The following FBXO45 variants were observed in gnomAD, a reference collection of about 807,000 sequenced individuals.
The protein encoded by FBXO45 is F-box/SPRY domain-containing protein 1.
FBXO45 carries 3 observed loss-of-function variants against 25.5 expected under a neutral mutation model. The ratio of observed to expected loss-of-function variants is 0.12; its 90% CI spans 0.05 to 0.30. FBXO45 has a LOEUF of 0.30. Among genes scored for constraint, FBXO45 ranks in the 10% least tolerant of loss-of-function variants. The pLI, the probability that FBXO45 is intolerant of heterozygous loss-of-function variation, is 1.00. For missense variants in FBXO45, 219 were observed against 365.0 expected, an observed-to-expected ratio of 0.60 and a Z score of 3.26; for synonymous variants, 155 against 149.8, an observed-to-expected ratio of 1.03 and a Z score of -0.25.
chr3:196,572,255 A>C (rs1455265787), intron 1 of FBXO45, among the ~76,000 whole-genome samples: 1 of 152,254 alleles, frequency 6.6e-6, no homozygotes, highest in Non-Finnish European at 1.5e-5. Context: ...CAAATAAAAC[A>C]AACACAGTCT....
chr3:196,583,963 T>C (rs1007285697), intron 2 of FBXO45, among the ~76,000 whole-genome samples, 170 bp from the exon 3 acceptor site: 1 of 152,176 alleles, frequency 6.6e-6, no homozygotes, highest in African/African-American at 2.4e-5. Flanking sequence ...GCCAGATGTA[T>C]GTCCTTTTTT....
intron 2 of FBXO45, among the ~76,000 whole-genome samples, chr3:196,583,215 T>C (rs979391504): frequency 2.0e-5 from 3 of 152,134 alleles, no homozygotes; most frequent in Admixed American, 2.0e-4. Flanking sequence ...CTGAATAATA[T>C]TCCATTGTAC....
intron 1 of FBXO45, among the ~76,000 whole-genome samples, chr3:196,576,726 A>T (rs548978803): frequency 6.6e-6 from 1 of 152,348 alleles, no homozygotes; most frequent in South Asian, 2.1e-4. Context: ...CTAGTAGTTG[A>T]ACCTAGATGC....
intron 1 of FBXO45, among the ~76,000 whole-genome samples, chr3:196,572,578 G>A (rs1735846867): frequency 6.6e-6 from 1 of 152,214 alleles, no homozygotes; most frequent in African/African-American, 2.4e-5. Flanking sequence ...CAAAGGTGAT[G>A]CTGGTTTGAG....
At chr3:196,574,637 A>G (rs1286886324) in intron 1 of FBXO45, among the ~76,000 whole-genome samples, 1 of 152,136 alleles carries the variant, frequency 6.6e-6, no homozygotes, top group Non-Finnish European at 1.5e-5. Flanking sequence ...TGATCAATTT[A>G]GATTAGATTA....
chr3:196,581,162 G>A (rs74917083), intron 2 of FBXO45, among the ~76,000 whole-genome samples: 1 of 149,728 alleles, frequency 6.7e-6, no homozygotes, highest in East Asian at 1.9e-4. Flanking sequence ...CTATTGAACT[G>A]GGCTAGTAAA....
intron 1 of FBXO45, among the ~76,000 whole-genome samples, chr3:196,570,262 C>G (rs1218389757): frequency 1.0e-5 from 1 of 100,004 alleles, no homozygotes; most frequent in Non-Finnish European, 1.9e-5. Context: ...ATAACATCCC[C>G]CCCTTTTTTT....
intron 1 of FBXO45, among the ~76,000 whole-genome samples, chr3:196,576,869 T>A (rs368545198): frequency 6.6e-6 from 1 of 152,242 alleles, no homozygotes. Context: ...TTAGAGCTGC[T>A]AGGATTAAAG....
intron 1 of FBXO45, among the ~76,000 whole-genome samples, chr3:196,570,587 A>T (rs1444891220): frequency 6.6e-6 from 1 of 152,028 alleles, no homozygotes; most frequent in African/African-American, 2.4e-5. Flanking sequence ...AAGAAGTAAA[A>T]ATTTTTTTTT....
Position 196,588,120 on chromosome 3 carries a change from CG to C in FBXO45, c.*3806del, listed in dbSNP as rs1190730300. 2 of 152,020 alleles carry C rather than the reference CG, an allele frequency of 1.3e-5. No homozygotes were observed. The highest frequency in any genetic ancestry group is 1.3e-4 in the Admixed American group (2 of 15,248). The allele number at this position is 152,020 out of a possible 1,614,324, so 9.4% of individuals were successfully genotyped here. ...CTAATTTTTGTATTTTTAATAGAGA[CG>C]GGGTTTCACCATGTTGGCCAGGCTG... On this transcript the variant is annotated 3_prime_UTR_variant, in exon 3 of 3. Coordinates refer to ENST00000311630, the MANE Select transcript of FBXO45 (RefSeq NM_001105573.2). The surrounding 1 kb of genome is among the most constrained non-coding windows in gnomAD (Gnocchi z 4.2).
intron 2 of FBXO45, among the ~76,000 whole-genome samples, chr3:196,578,043 A>ATATTTTTTTT (rs1553874562): frequency 4.0e-5 from 1 of 25,190 alleles, no homozygotes. Flanking sequence ...GCAGAAAAAT[A>ATATTTTTTTT]TTCTTTTTTT....
rs148932197 is a variant in FBXO45, at chr3:196,580,962, T to C, written c.675+3153T>C. The stretch of plus-strand genomic sequence containing the variant: ...CACCAATGCCTGGCTAATATTTGTA[T>C]TTTTTGTAGAGACAGGGTTTTGCCA... On this transcript the variant is annotated intron_variant, in intron 2 of 2. Transcript: ENST00000311630. Among the ~76,000 whole-genome samples, 456 of 152,088 alleles carry C rather than the reference T, an allele frequency of 3.0e-3. 2 individuals carry two copies. Among genetic ancestry groups the C allele is most frequent in the Non-Finnish European group, 5.3e-3 (358 of 67,970 alleles).
chr3:196,571,314 C>T (rs933426228), intron 1 of FBXO45, among the ~76,000 whole-genome samples: 1 of 152,162 alleles, frequency 6.6e-6, no homozygotes, highest in Non-Finnish European at 1.5e-5. Context: ...GCATCCTCGA[C>T]CTCCTGAGCT....
intron 1 of FBXO45, among the ~76,000 whole-genome samples, chr3:196,575,300 T>C (rs1021468430): frequency 1.3e-5 from 2 of 151,554 alleles, no homozygotes; most frequent in Non-Finnish European, 2.9e-5. Context: ...TATTCAAAAT[T>C]CAAAAATTAG....
rs751454123 is a variant in FBXO45, at chr3:196,584,143, G to A, written c.686G>A (p.Arg229Lys). 6.2e-7 allele frequency: 1 copy of A among 1,613,710 alleles called. No individual in the cohort carries two copies. The highest frequency in any genetic ancestry group is 8.5e-7 in the Non-Finnish European group (1 of 1,179,822). Residue 229 changes from arginine to lysine, a missense_variant, in exon 3 of 3, where the codon AGA becomes AAA. Physicochemically the swap from Arg to Lys is conservative, Grantham distance 26. Coordinates refer to ENST00000311630, the MANE Select transcript of FBXO45 (RefSeq NM_001105573.2). The surrounding 1 kb of genome is among the most constrained non-coding windows in gnomAD (Gnocchi z 4.3). Reference sequence around the variant, plus strand: ...GATATCTGTTTGCAGATAGGAGAAAGAATTCGAGTCATCTTGGACATGGAA... The same window carrying A: ...GATATCTGTTTGCAGATAGGAGAAAAAATTCGAGTCATCTTGGACATGGAA... ...NNAPKYQIGE[R>K]IRVILDMEDK... is the part of the protein sequence containing the mutation.
At chr3:196,580,630 C>G (rs564773989) in intron 2 of FBXO45, among the ~76,000 whole-genome samples, 4 of 152,292 alleles carry the variant, frequency 2.6e-5, no homozygotes, top group Admixed American at 1.3e-4. Context: ...CAGCTTCGGT[C>G]TCTGACTTTT....
In FBXO45 at chr3:196,576,427, A is replaced by G. The variant is rs191427213; in HGVS notation, c.319-1026A>G. Among the ~76,000 whole-genome samples the G allele has an allele frequency of 2.0e-5, 3 of 152,292 alleles. No homozygotes were observed. The East Asian group carries it at 5.8e-4, about 29-fold the overall frequency. ...GGCAGGCGTAGTGACTCGAACCTGT[A>G]ACCCCAGCTACTCGGAAGACTGAGA... On this transcript the variant is annotated intron_variant, in intron 1 of 2. Transcript: ENST00000311630.
chr3:196,575,001 G>A (rs977155421), intron 1 of FBXO45, among the ~76,000 whole-genome samples: 4 of 152,026 alleles, frequency 2.6e-5, no homozygotes, highest in Non-Finnish European at 5.9e-5. Context: ...GATGAGATAT[G>A]TAGTAAAGGT....
rs1003609888 is a variant in FBXO45, at chr3:196,568,716, G to C, written c.-269G>C. The C allele has an allele frequency of 6.5e-6, 1 of 152,944 alleles. No homozygotes were observed. Among genetic ancestry groups the C allele is most frequent in the African/African-American group, 2.4e-5 (1 of 41,468 alleles). The allele number at this position is 152,944 out of a possible 1,614,324, so 9.5% of individuals were successfully genotyped here. A position where few individuals can be genotyped will look rare whatever the true frequency, so the allele number is the denominator to read the frequency against. ...GGAGCCGCTGGCGCGCCGCGGAGAGGCCGGGCGAGTCGGGCGGTTTCGGCG... is the reference window on the plus strand; with the variant it reads ...GGAGCCGCTGGCGCGCCGCGGAGAGCCCGGGCGAGTCGGGCGGTTTCGGCG... On this transcript the variant is annotated 5_prime_UTR_variant, in exon 1 of 3. Coordinates refer to ENST00000311630, the MANE Select transcript of FBXO45 (RefSeq NM_001105573.2).
Sources: allele counts gnomAD v4.1 joint callset (sites outside exome capture counted in the v4.1 genomes callset), GRCh38; gene constraint gnomAD v4.1.1; non-coding constraint Gnocchi (gnomAD v3.1); transcripts MANE v1.5; gene names NCBI Gene and HGNC (gene_info 2026-07-23, HGNC 2026-07-21).